The following TJAP1 variants were observed in gnomAD, a reference collection of about 807,000 sequenced individuals.
TJAP1 encodes the protein tight junction-associated protein 1.
A neutral mutation model predicts 42.0 loss-of-function variants in TJAP1; 27 were observed. That is an observed-to-expected ratio of 0.64 (90% CI 0.47 to 0.89). TJAP1 has a LOEUF of 0.89. Ranked by LOEUF, TJAP1 falls within the 40% of genes least tolerant of loss-of-function variation. The probability of loss-of-function intolerance (pLI) is 0.00; values close to 1 mark genes in which losing one functional copy is unlikely to be tolerated. For missense variants in TJAP1, 712 were observed against 726.9 expected (o/e 0.98, Z 0.24); for synonymous variants, 257 against 288.4 (o/e 0.89, Z 1.10).
chr6:43,498,800 G>T, intron 3 of TJAP1, 178 bp from the exon 4 acceptor site: 1 of 552,346 alleles, frequency 1.8e-6, no homozygotes, highest in Non-Finnish European at 3.2e-6. Flanking sequence ...GCACTCCTTT[G>T]ACCTATGGGG....
At chr6:43,479,816 A>G (rs1784938562) in intron 2 of TJAP1, among the ~76,000 whole-genome samples, 1 of 152,100 alleles carries the variant, frequency 6.6e-6, no homozygotes, top group South Asian at 2.1e-4. Flanking sequence ...CTAAAAATAC[A>G]AAAATCGGCT....
chr6:43,479,236 G>A (rs1171851681), intron 2 of TJAP1, among the ~76,000 whole-genome samples: 1 of 152,116 alleles, frequency 6.6e-6, no homozygotes. Context: ...GGACTAGGAT[G>A]GTTTGATCTA....
chr6:43,483,314 T>C (rs1785704634), intron 2 of TJAP1, among the ~76,000 whole-genome samples: 1 of 152,108 alleles, frequency 6.6e-6, no homozygotes, highest in Non-Finnish European at 1.5e-5. Context: ...TTCTCACTGC[T>C]CCCAAACCTA....
At chr6:43,498,714 G>A (rs1232260913) in intron 3 of TJAP1, among the ~76,000 whole-genome samples, 1 of 152,194 alleles carries the variant, frequency 6.6e-6, no homozygotes, top group Non-Finnish European at 1.5e-5. Context: ...CCCACTCTTA[G>A]AACCTAGGTG....
intron 2 of TJAP1, among the ~76,000 whole-genome samples, chr6:43,482,848 G>A (rs1406017453): frequency 6.6e-6 from 1 of 152,222 alleles, no homozygotes; most frequent in Non-Finnish European, 1.5e-5. Context: ...TCCTGGCTGG[G>A]CGTGGTGGCT....
At chr6:43,481,030 C>T (rs1785193048) in intron 2 of TJAP1, among the ~76,000 whole-genome samples, 1 of 151,940 alleles carries the variant, frequency 6.6e-6, no homozygotes, top group Middle Eastern at 3.2e-3. Flanking sequence ...TGCGTAGTGG[C>T]AATTTGTATT....
At chr6:43,499,026 A>C in exon 4 of TJAP1, 1 of 1,614,118 alleles carries the variant, frequency 6.2e-7, no homozygotes, top group Non-Finnish European at 8.5e-7. Context: ...CCCTGCTAAG[A>C]AACCCTACCG....
At chr6:43,503,114 G>C (rs891381857) in intron 8 of TJAP1, 8 of 497,134 alleles carry the variant, frequency 1.6e-5, no homozygotes, top group Non-Finnish European at 2.5e-5. Flanking sequence ...TGCCTTGCCT[G>C]GTGCCCAGAG....
exon 11 of TJAP1, chr6:43,504,794 C>T: frequency 1.2e-6 from 2 of 1,614,160 alleles, no homozygotes; most frequent in South Asian, 1.1e-5. Context: ...GGTTCGGAAA[C>T]ATTTGCACAG....
At chr6:43,503,134 C>A (rs1791358944) in intron 8 of TJAP1, 2 of 517,824 alleles carry the variant, frequency 3.9e-6, no homozygotes, top group African/African-American at 3.8e-5. Flanking sequence ...GCCCCTGGAA[C>A]CTCAGGGGAT....
At chr6:43,504,978 T>G (rs1476998644) in exon 11 of TJAP1, 2 of 1,614,052 alleles carry the variant, frequency 1.2e-6, no homozygotes, top group Admixed American at 3.3e-5. Context: ...CATGTGGACA[T>G]GAGTGAGGGT....
At chr6:43,485,877 C>T (rs1212091193) in intron 2 of TJAP1, among the ~76,000 whole-genome samples, 1 of 152,066 alleles carries the variant, frequency 6.6e-6, no homozygotes, top group East Asian at 1.9e-4. Flanking sequence ...TTAACAATAG[C>T]ATTACTAATT....
Position 43,504,743 on chromosome 6 carries a change from C to T in TJAP1, c.580-18C>T. On this transcript the variant is annotated intron_variant, in intron 10 of 10. Transcript: ENST00000372449. ...GCTGCGATCATTGATGTCTCTCTTTCCTGCTCTTTTACCTCAGCTGCCCTG... is the reference window on the plus strand; with the variant it reads ...GCTGCGATCATTGATGTCTCTCTTTTCTGCTCTTTTACCTCAGCTGCCCTG... 6.2e-7 allele frequency: 1 copy of T among 1,603,518 alleles called. No individual in the cohort carries two copies. Among genetic ancestry groups the T allele is most frequent in the Non-Finnish European group, 8.5e-7 (1 of 1,172,528 alleles).
chr6:43,502,076 A>ACACACACACTCTCTCTCTCTCT (rs767085594), intron 6 of TJAP1, among the ~76,000 whole-genome samples: 3 of 68,930 alleles, frequency 4.4e-5, no homozygotes, highest in African/African-American at 2.3e-4. Flanking sequence ...ACACACACAC[A>ACACACACACTCTCTCTCTCTCT]CTCTCTCTCT....
At position 43,492,831 on chromosome 6, in the gene TJAP1, C is replaced by T. The variant is rs543764306; in HGVS notation, c.-121-5050C>T. On this transcript the variant is annotated intron_variant, in intron 2 of 10. Transcript: ENST00000372449. The surrounding 1 kb of genome is among the most constrained non-coding windows in gnomAD (Gnocchi z 4.2). ...GACTGGATTTCAGAGGCTTGAGAAG[C>T]GGCCAGACTTGTGTGGCGGGAGTGT... is the stretch of plus-strand genomic sequence containing the variant. Among the ~76,000 whole-genome samples the T allele has an allele frequency of 3.3e-5, 5 of 152,248 alleles. No homozygotes were observed. In the South Asian group the frequency reaches 6.2e-4, roughly 19 times the overall value.
At chr6:43,490,723 C>G (rs779911308) in intron 2 of TJAP1, among the ~76,000 whole-genome samples, 8 of 152,214 alleles carry the variant, frequency 5.3e-5, no homozygotes, top group Non-Finnish European at 1.0e-4. Context: ...AGTTTGTCCC[C>G]CCCACCTCTT....
At chr6:43,498,724 G>A (rs1789816839) in intron 3 of TJAP1, among the ~76,000 whole-genome samples, 2 of 152,172 alleles carry the variant, frequency 1.3e-5, no homozygotes, top group Non-Finnish European at 2.9e-5. Flanking sequence ...GAACCTAGGT[G>A]TTCAGGCCCT....
At chr6:43,500,501 G>T (rs1790281730) in intron 4 of TJAP1, 3 of 528,054 alleles carry the variant, frequency 5.7e-6, no homozygotes, top group East Asian at 3.0e-5. Flanking sequence ...AATGGCTTTA[G>T]GATTGGATTA....
At chr6:43,485,048 A>G (rs1786158446) in intron 2 of TJAP1, among the ~76,000 whole-genome samples, 1 of 152,156 alleles carries the variant, frequency 6.6e-6, no homozygotes, top group African/African-American at 2.4e-5. Context: ...TTGTTTTGTG[A>G]TGACTCCTTT....
Sources: allele counts gnomAD v4.1 joint callset (sites outside exome capture counted in the v4.1 genomes callset), GRCh38; gene constraint gnomAD v4.1.1; non-coding constraint Gnocchi (gnomAD v3.1); transcripts MANE v1.5; gene names NCBI Gene and HGNC (gene_info 2026-07-23, HGNC 2026-07-21).